The following PRKCE variants were observed in gnomAD, a reference collection of about 807,000 sequenced individuals.
PRKCE encodes protein kinase C epsilon, also known as protein kinase C epsilon type.
In PRKCE, 16 loss-of-function variants were observed where a neutral mutation model predicts 85.4. The observed-to-expected ratio is 0.19, with a 90% CI of 0.13 to 0.28. The LOEUF (loss-of-function observed/expected upper bound fraction) is 0.28, where lower values mean the gene tolerates loss of function less well. PRKCE is among the 10% of genes least tolerant of loss of function. The pLI, the probability that PRKCE is intolerant of heterozygous loss-of-function variation, is 1.00. For missense variants in PRKCE, 573 were observed against 975.2 expected (o/e 0.59, Z 5.49); for synonymous variants, 388 against 371.5 (o/e 1.04, Z -0.51).
chr2:46,181,314 A>T lies in PRKCE; in HGVS notation c.2068-3421A>T, dbSNP rs562708332. Among the ~76,000 whole-genome samples the T allele has an allele frequency of 1.2e-4, 18 of 152,308 alleles. 1 individual carries two copies. In the South Asian group the frequency reaches 3.3e-3, roughly 28 times the overall value. On this transcript the variant is annotated intron_variant, in intron 14 of 14. Coordinates refer to ENST00000306156, the MANE Select transcript of PRKCE (RefSeq NM_005400.3). ...CAGTTAGAGATTGCACATAGTGGGG[A>T]TGGTTATTTGAATTAGAAATGGGTA... is the stretch of plus-strand genomic sequence containing the variant.
At chr2:46,067,320 G>A (rs1469042022) in intron 10 of PRKCE, among the ~76,000 whole-genome samples, 1 of 152,138 alleles carries the variant, frequency 6.6e-6, no homozygotes, top group Non-Finnish European at 1.5e-5. Context: ...TAAACAGTTT[G>A]GATTAATAGG....
intron 2 of PRKCE, among the ~76,000 whole-genome samples, chr2:45,964,866 CT>C (rs796240633): frequency 2.0e-5 from 3 of 151,846 alleles, no homozygotes; most frequent in Admixed American, 6.6e-5. Flanking sequence ...GAGATTTTCA[CT>C]TTTTTTTTCC....
chr2:45,992,836 GAA>G (rs967047323), intron 6 of PRKCE, among the ~76,000 whole-genome samples: 43 of 152,326 alleles, frequency 2.8e-4, no homozygotes, highest in African/African-American at 1.0e-3. Context: ...GATAGAAGGT[GAA>G]AGTCAGAGTG....
intron 2 of PRKCE, among the ~76,000 whole-genome samples, chr2:45,965,535 C>A (rs1353223734): frequency 6.6e-6 from 1 of 152,190 alleles, no homozygotes; most frequent in Admixed American, 6.5e-5. Flanking sequence ...GAGCACCTCC[C>A]AGTCATAATC....
Position 46,067,083 on chromosome 2 carries a change from T to C in PRKCE, c.1438-19125T>C, listed in dbSNP as rs75701130. 1.8e-3 allele frequency among the ~76,000 whole-genome samples: 281 copies of C among 152,334 alleles called. 1 individual carries two copies. The highest frequency in any genetic ancestry group is 0.013 in the East Asian group (67 of 5,188). ...CATTTTAACCAGCACATTTGCTAAATAGGTAGTTGTTACTGCTGTGCCAAA... is the reference window on the plus strand; with the variant it reads ...CATTTTAACCAGCACATTTGCTAAACAGGTAGTTGTTACTGCTGTGCCAAA... On this transcript the variant is annotated intron_variant, in intron 10 of 14. Coordinates refer to ENST00000306156, the MANE Select transcript of PRKCE (RefSeq NM_005400.3).
intron 1 of PRKCE, chr2:45,698,095 C>T (rs1678304462): frequency 1.3e-5 from 2 of 152,624 alleles, no homozygotes; most frequent in Admixed American, 6.5e-5. Flanking sequence ...TTTATTTTCA[C>T]AAATGCTCCA....
intron 10 of PRKCE, among the ~76,000 whole-genome samples, chr2:46,051,453 A>T (rs1708854189): frequency 6.6e-6 from 1 of 152,220 alleles, no homozygotes; most frequent in Non-Finnish European, 1.5e-5. Flanking sequence ...TATATGGCAC[A>T]TGGCACAGCT....
Position 46,106,246 on chromosome 2 carries a change from G to A in PRKCE, c.1592+19884G>A, listed in dbSNP as rs144316040. On this transcript the variant is annotated intron_variant, in intron 11 of 14. Coordinates refer to ENST00000306156, the MANE Select transcript of PRKCE (RefSeq NM_005400.3). ...ATATGAAGCTATTTGAGCTCACACC[G>A]ATGTCTAATTCTAATCTGTTACCAT... Among the ~76,000 whole-genome samples the A allele has an allele frequency of 2.6e-5, 4 of 152,234 alleles. No individual in the cohort carries two copies. The East Asian group carries it at 7.7e-4, about 29-fold the overall frequency.
chr2:45,742,209 A>G (rs750215866), intron 1 of PRKCE, among the ~76,000 whole-genome samples: 8 of 152,214 alleles, frequency 5.3e-5, no homozygotes, highest in Non-Finnish European at 1.2e-4. Context: ...CATATATCCA[A>G]TAAGGGTAAC....
chr2:45,937,727 A>AGCTTTCTC (rs1699574546), intron 2 of PRKCE, among the ~76,000 whole-genome samples: 1 of 152,156 alleles, frequency 6.6e-6, no homozygotes, highest in African/African-American at 2.4e-5. Context: ...AGAAAAAAAA[A>AGCTTTCTC]AAGAAAGAAA....
rs1425698751 is a variant in PRKCE, at chr2:46,139,565, AC to A, written c.1593-5526del. On this transcript the variant is annotated intron_variant, in intron 11 of 14. Coordinates refer to ENST00000306156, the MANE Select transcript of PRKCE (RefSeq NM_005400.3). The surrounding 1 kb of genome is among the most constrained non-coding windows in gnomAD (Gnocchi z 5.2). ...TTATCTGAAGGCTGATGGTCCAGTT[AC>A]CATTCCTAGGACTTAGTCCTTGTCT... Among the ~76,000 whole-genome samples, 1 of 152,160 alleles carries A rather than the reference AC, an allele frequency of 6.6e-6. No homozygotes were observed. The highest frequency in any genetic ancestry group is 2.4e-5 in the African/African-American group (1 of 41,438).
chr2:45,732,123 A>C (rs905978409), intron 1 of PRKCE, among the ~76,000 whole-genome samples: 1 of 151,978 alleles, frequency 6.6e-6, no homozygotes, highest in African/African-American at 2.4e-5. Flanking sequence ...TGTGAACCTC[A>C]GTATAAATGA....
intron 1 of PRKCE, among the ~76,000 whole-genome samples, chr2:45,833,916 G>A (rs1463045785): frequency 1.3e-5 from 2 of 152,214 alleles, no homozygotes; most frequent in Non-Finnish European, 2.9e-5. Context: ...AAAGTAGACA[G>A]GCAGACTGTG....
At chr2:45,683,776 T>A (rs924815131) in intron 1 of PRKCE, among the ~76,000 whole-genome samples, 1 of 152,246 alleles carries the variant, frequency 6.6e-6, no homozygotes, top group African/African-American at 2.4e-5. Context: ...TCTTGTGTGC[T>A]CCGTCCTCCC....
chr2:45,767,024 G>C (rs1010210946), intron 1 of PRKCE, among the ~76,000 whole-genome samples: 5 of 147,196 alleles, frequency 3.4e-5, no homozygotes, highest in African/African-American at 1.2e-4. Flanking sequence ...CTGGGCAACA[G>C]AGTGAAACTC....
At chr2:45,864,477 C>T (rs1051014628) in intron 2 of PRKCE, among the ~76,000 whole-genome samples, 3 of 140,822 alleles carry the variant, frequency 2.1e-5, no homozygotes, top group African/African-American at 7.8e-5. Flanking sequence ...AAACATAAAA[C>T]ATTGTAATAG....
rs1675225906 is a variant in PRKCE at position 46,138,698 on chromosome 2, A to G, written c.1593-6395A>G. Among the ~76,000 whole-genome samples, 1 of 152,210 alleles carries G rather than the reference A, an allele frequency of 6.6e-6. No individual in the cohort carries two copies. On this transcript the variant is annotated intron_variant, in intron 11 of 14. Coordinates refer to ENST00000306156, the MANE Select transcript of PRKCE (RefSeq NM_005400.3). This position sits in a 1 kb window ranked among gnomAD's most constrained non-coding sequence, Gnocchi z 4.2. ...GGGACACTTAGCAATGTCTGGAGAC[A>G]CAGTTGGTTGTCACAGCTGGAGAGG... is the stretch of plus-strand genomic sequence containing the variant.
At position 46,043,730 on chromosome 2, in the gene PRKCE, C is replaced by T. The variant is rs181314886; in HGVS notation, c.1437+33213C>T. 1.1e-3 allele frequency among the ~76,000 whole-genome samples: 171 copies of T among 152,218 alleles called. 1 individual carries two copies. Among genetic ancestry groups the T allele is most frequent in the African/African-American group, 3.8e-3 (157 of 41,510 alleles). Reference sequence around the variant, plus strand: ...GGGTTTCTGTTACTTCTGATTTTTCCCCTAGATTTCCCTTATGGAACTCCA... The same window carrying T: ...GGGTTTCTGTTACTTCTGATTTTTCTCCTAGATTTCCCTTATGGAACTCCA... On this transcript the variant is annotated intron_variant, in intron 10 of 14. Coordinates refer to ENST00000306156, the MANE Select transcript of PRKCE (RefSeq NM_005400.3).
intron 10 of PRKCE, among the ~76,000 whole-genome samples, chr2:46,017,969 C>T (rs1441752030): frequency 3.3e-5 from 5 of 152,184 alleles, no homozygotes; most frequent in Non-Finnish European, 7.4e-5. Flanking sequence ...CTTCAAATAG[C>T]CTCACCTCCA....
Sources: gnomAD v4.1 joint callset for allele counts (sites outside exome capture counted in the v4.1 genomes callset) on GRCh38, gnomAD v4.1.1 for gene constraint, Gnocchi (gnomAD v3.1) non-coding constraint, MANE v1.5 for transcripts, NCBI Gene and HGNC (gene_info 2026-07-23, HGNC 2026-07-21) for gene names.